Variants in DYM observed in about 807,000 individuals in gnomAD.
DYM encodes dyggve-Melchior-Clausen syndrome protein.
Under a neutral mutation model 93.1 loss-of-function variants are expected in DYM, and 78 were observed. The observed-to-expected ratio is 0.84, with a 90% CI of 0.70 to 1.01. The LOEUF is 1.01. DYM is among the 50% of genes least tolerant of loss of function. The pLI is 0.00. For missense variants in DYM, 789 were observed against 845.0 expected (o/e 0.93, Z 0.82); for synonymous variants, 321 against 319.7 (o/e 1.00, Z -0.04).
intron 6 of DYM, among the ~76,000 whole-genome samples, chr18:49,347,811 G>A (rs900428102): frequency 6.6e-6 from 1 of 152,220 alleles, no homozygotes; most frequent in Non-Finnish European, 1.5e-5. Flanking sequence ...ACCATGCTGA[G>A]TGTGGTGGTT....
At chr18:49,324,373 C>T (rs1378869954) in intron 8 of DYM, among the ~76,000 whole-genome samples, 1 of 152,012 alleles carries the variant, frequency 6.6e-6, no homozygotes, top group Non-Finnish European at 1.5e-5. Flanking sequence ...TATAAACAAA[C>T]TGTCAAGGCA....
At chr18:49,409,048 G>T (rs2071868344) in intron 2 of DYM, among the ~76,000 whole-genome samples, 1 of 152,132 alleles carries the variant, frequency 6.6e-6, no homozygotes, top group Non-Finnish European at 1.5e-5. Flanking sequence ...ACCCTGGGAG[G>T]CCGAGGCAGG....
At chr18:49,078,070 A>G (rs1160824379) in intron 17 of DYM, among the ~76,000 whole-genome samples, 2 of 152,126 alleles carry the variant, frequency 1.3e-5, no homozygotes, top group African/African-American at 4.8e-5. Flanking sequence ...TAAGAATTCT[A>G]ATTTTTCTGT....
rs557460775 is a variant in DYM, at chr18:49,251,577, G to T, written c.1460+5433C>A. ...GATACCCAGGTGGTGAACCTAGTGGGGTTGGTGCTCAGCCAGCTAATGCTT... is the reference window on the plus strand; with the variant it reads ...GATACCCAGGTGGTGAACCTAGTGGTGTTGGTGCTCAGCCAGCTAATGCTT... On this transcript the variant is annotated intron_variant, in intron 13 of 17. Coordinates refer to ENST00000675505, the MANE Select transcript of DYM (RefSeq NM_001353214.3). 4.6e-5 allele frequency among the ~76,000 whole-genome samples: 7 copies of T among 152,274 alleles called. No individual in the cohort carries two copies. In the South Asian group the frequency reaches 1.2e-3, roughly 27 times the overall value.
chr18:49,230,508 A>G (rs2093662879), intron 13 of DYM, among the ~76,000 whole-genome samples: 1 of 152,174 alleles, frequency 6.6e-6, no homozygotes. Flanking sequence ...GCCATGACAG[A>G]GACTTGTTAA....
At chr18:49,230,620 A>G (rs75587244) in intron 13 of DYM, among the ~76,000 whole-genome samples, 2,557 of 152,328 alleles carry the variant, frequency 0.017, 31 homozygotes, top group Middle Eastern at 0.034. Flanking sequence ...ATCAATCTGT[A>G]TATTGGCCCC....
intron 16 of DYM, among the ~76,000 whole-genome samples, chr18:49,113,045 T>C (rs1335494816): frequency 1.3e-5 from 2 of 152,202 alleles, no homozygotes; most frequent in South Asian, 2.1e-4. Flanking sequence ...TATATTGGGA[T>C]AAGAAAGACT....
At chr18:49,174,870 G>C (rs2089206302) in intron 14 of DYM, among the ~76,000 whole-genome samples, 1 of 152,100 alleles carries the variant, frequency 6.6e-6, no homozygotes, top group South Asian at 2.1e-4. Flanking sequence ...AAAGGCTGAA[G>C]AAGAAAGGGA....
chr18:49,382,281 T>G (rs2068115813), intron 3 of DYM, among the ~76,000 whole-genome samples: 1 of 152,174 alleles, frequency 6.6e-6, no homozygotes, highest in African/African-American at 2.4e-5. Context: ...CCCACACTGT[T>G]TCAGATACTA....
At chr18:49,435,500 C>T (rs181689056) in intron 1 of DYM, among the ~76,000 whole-genome samples, 1 of 150,008 alleles carries the variant, frequency 6.7e-6, no homozygotes, top group East Asian at 2.0e-4. Flanking sequence ...TCAATTAAAA[C>T]CACAAGGCCG....
In DYM at chr18:49,353,438, A is replaced by G. The variant is rs533584395; in HGVS notation, c.494+9723T>C. ...AAGTACAGATAATACAAGTAAGAAG[A>G]GAAAAGAAAGAGAACTGAATGAAGG... is the stretch of plus-strand genomic sequence containing the variant. On this transcript the variant is annotated intron_variant, in intron 6 of 17. Coordinates refer to ENST00000675505, the MANE Select transcript of DYM (RefSeq NM_001353214.3). Among the ~76,000 whole-genome samples, 6 of 152,256 alleles carry G rather than the reference A, an allele frequency of 3.9e-5. No homozygotes were observed. In the South Asian group the frequency reaches 1.2e-3, roughly 32 times the overall value.
intron 2 of DYM, among the ~76,000 whole-genome samples, chr18:49,429,684 G>A (rs1289624952): frequency 6.6e-6 from 1 of 152,160 alleles, no homozygotes; most frequent in Non-Finnish European, 1.5e-5. Flanking sequence ...CATACACTTT[G>A]ACCCAGCAAT....
intron 16 of DYM, among the ~76,000 whole-genome samples, chr18:49,112,768 T>A (rs1001542089): frequency 1.3e-5 from 2 of 152,176 alleles, no homozygotes; most frequent in Admixed American, 1.3e-4. Context: ...CCTGTAACCA[T>A]CTGCCCCTCA....
chr18:49,223,476 G>A (rs1226763897), intron 13 of DYM, among the ~76,000 whole-genome samples: 2 of 152,106 alleles, frequency 1.3e-5, no homozygotes, highest in Non-Finnish European at 2.9e-5. Context: ...CAAATGTGGT[G>A]TGGGATCCTG....
intron 15 of DYM, among the ~76,000 whole-genome samples, chr18:49,129,754 G>A (rs1300529847): frequency 1.3e-5 from 2 of 152,110 alleles, no homozygotes; most frequent in African/African-American, 2.4e-5. Context: ...CTGCTGCTGG[G>A]GGCAGGCTCC....
At chr18:49,281,615 A>G (rs1025423570) in intron 10 of DYM, among the ~76,000 whole-genome samples, 2 of 152,242 alleles carry the variant, frequency 1.3e-5, no homozygotes, top group Non-Finnish European at 2.9e-5. Flanking sequence ...ATGGAATACT[A>G]TGCAGCCATA....
chr18:49,433,887 G>A (rs2080565754), intron 1 of DYM, among the ~76,000 whole-genome samples: 1 of 151,684 alleles, frequency 6.6e-6, no homozygotes, highest in Non-Finnish European at 1.5e-5. Flanking sequence ...AAATAAGGAG[G>A]TAAATAGCAA....
chr18:49,060,716 AGGTG>A (rs2075903485), intron 17 of DYM, among the ~76,000 whole-genome samples: 1 of 22,288 alleles, frequency 4.5e-5, no homozygotes, highest in Non-Finnish European at 8.2e-5. Flanking sequence ...GGAGAGAGGG[AGGTG>A]GGGGGAGAGA....
intron 8 of DYM, among the ~76,000 whole-genome samples, chr18:49,315,093 T>G (rs2061840919): frequency 6.6e-6 from 1 of 151,980 alleles, no homozygotes; most frequent in Non-Finnish European, 1.5e-5. Flanking sequence ...CATATGCCTG[T>G]AGTCTCAGCT....
Sources: gnomAD v4.1 joint callset for allele counts (sites outside exome capture counted in the v4.1 genomes callset) on GRCh38, gnomAD v4.1.1 for gene constraint, MANE v1.5 for transcripts, NCBI Gene and HGNC (gene_info 2026-07-23, HGNC 2026-07-21) for gene names.